SMAD1: variants seen among roughly 807,000 people sequenced by gnomAD.
SMAD1 encodes the protein MAD, mothers against decapentaplegic homolog 1.
SMAD1 carries 6 observed loss-of-function variants against 41.6 expected under a neutral mutation model. The ratio of observed to expected loss-of-function variants is 0.14; its 90% CI spans 0.08 to 0.28. SMAD1 has a LOEUF of 0.28. Ranked by LOEUF, SMAD1 falls within the 10% of genes least tolerant of loss-of-function variation. The pLI is 1.00. For synonymous variants in SMAD1, 206 were observed against 203.2 expected (o/e 1.01, Z -0.12); for missense variants, 379 against 582.6 (o/e 0.65, Z 3.60).
chr4:145,554,183 CTT>C (rs1560767651), intron 6 of SMAD1, 143 bp downstream of exon 6: 1 of 770,248 alleles, frequency 1.3e-6, no homozygotes, highest in Non-Finnish European at 2.0e-6. Context: ...CATTTTTAAA[CTT>C]TAACAAAAAT....
intron 2 of SMAD1, among the ~76,000 whole-genome samples, chr4:145,528,984 A>G (rs775263940): frequency 1.2e-4 from 18 of 152,360 alleles, no homozygotes; most frequent in Non-Finnish European, 2.4e-4. Context: ...AGAGGATTCA[A>G]TGAGTTAATA....
At chr4:145,483,757 C>T (rs1189949015) in intron 1 of SMAD1, among the ~76,000 whole-genome samples, 1 of 152,102 alleles carries the variant, frequency 6.6e-6, no homozygotes, top group Non-Finnish European at 1.5e-5. Context: ...GATGCCAGAG[C>T]CTCTAGAGGA....
At chr4:145,535,035 A>G (rs1037686094) in intron 2 of SMAD1, among the ~76,000 whole-genome samples, 5 of 152,188 alleles carry the variant, frequency 3.3e-5, no homozygotes, top group African/African-American at 1.2e-4. Context: ...AATACCAAAA[A>G]TAGGCAAAAG....
chr4:145,502,280 T>C (rs755573980), intron 1 of SMAD1, among the ~76,000 whole-genome samples: 9 of 152,182 alleles, frequency 5.9e-5, no homozygotes, highest in Non-Finnish European at 7.4e-5. Flanking sequence ...CTTGAAAGGC[T>C]ACCGTGTCCT....
At chr4:145,517,217 G>A (rs544327176) in intron 2 of SMAD1, 2 of 152,318 alleles carry the variant, frequency 1.3e-5, no homozygotes, top group South Asian at 4.1e-4. Flanking sequence ...ACTCTTGCAT[G>A]CTTTGTGTGC....
At chr4:145,519,614 G>T (rs1221605971) in intron 2 of SMAD1, among the ~76,000 whole-genome samples, 1 of 147,640 alleles carries the variant, frequency 6.8e-6, no homozygotes, top group Admixed American at 6.8e-5. Flanking sequence ...TCATCATGTC[G>T]CTGCACTCCA....
chr4:145,522,829 G>A (rs1209867515), intron 2 of SMAD1, among the ~76,000 whole-genome samples: 7 of 151,724 alleles, frequency 4.6e-5, no homozygotes, highest in African/African-American at 1.7e-4. Context: ...ACAGACACCC[G>A]CCACCATGCC....
chr4:145,511,303 G>A (rs928671083), intron 1 of SMAD1, among the ~76,000 whole-genome samples: 10 of 105,056 alleles, frequency 9.5e-5, no homozygotes, highest in South Asian at 2.9e-4. Context: ...TTTTAGAGAC[G>A]CTCTCACTCT....
Position 145,546,751 on chromosome 4 carries a change from T to C in SMAD1, c.824T>C (p.Val275Ala), listed in dbSNP as rs1181856908. Reference sequence around the variant, plus strand: ...GAACCAAAACACTGGTGCTCTATTGTCTACTATGAGCTCAACAATCGTGTG... The same window carrying C: ...GAACCAAAACACTGGTGCTCTATTGCCTACTATGAGCTCAACAATCGTGTG... The part of the protein sequence containing the change: ...YEEPKHWCSI[V>A]YYELNNRVGE... The change falls in exon 5 of 7, where the codon GTC becomes GCC. Residue 275 changes from valine (V) to alanine (A), a missense_variant. Physicochemically the swap from Val to Ala is moderately conservative, Grantham distance 64. This residue lies in a region of SMAD1 where 208 missense variants were observed against 210.5 expected (regional missense o/e 0.99). Transcript: ENST00000302085. The C allele has an allele frequency of 6.2e-7, 1 of 1,614,018 alleles. No homozygotes were observed. The highest frequency in any genetic ancestry group is 8.5e-7 in the Non-Finnish European group (1 of 1,180,006).
intron 2 of SMAD1, among the ~76,000 whole-genome samples, chr4:145,517,415 T>C (rs897209543): frequency 2.6e-5 from 4 of 152,124 alleles, no homozygotes; most frequent in African/African-American, 9.7e-5. Flanking sequence ...ACTTCACACA[T>C]ATCTCCCTAC....
chr4:145,551,493 C>T (rs1220181839), intron 5 of SMAD1, among the ~76,000 whole-genome samples: 4 of 151,984 alleles, frequency 2.6e-5, no homozygotes, highest in Non-Finnish European at 5.9e-5. Context: ...AAAAATATGT[C>T]ACAAATAAAA....
intron 1 of SMAD1, among the ~76,000 whole-genome samples, chr4:145,488,449 T>G (rs997762677): frequency 6.6e-6 from 1 of 151,744 alleles, no homozygotes; most frequent in Admixed American, 6.6e-5. Flanking sequence ...ACTCCAACTA[T>G]TCATGTATTA....
At chr4:145,499,243 T>G (rs928265908) in intron 1 of SMAD1, among the ~76,000 whole-genome samples, 6 of 152,240 alleles carry the variant, frequency 3.9e-5, no homozygotes, top group African/African-American at 1.4e-4. Flanking sequence ...AGGACTGATA[T>G]GGCACCACAA....
chr4:145,522,921 C>T (rs1386116747), intron 2 of SMAD1, among the ~76,000 whole-genome samples: 1 of 152,106 alleles, frequency 6.6e-6, no homozygotes, highest in East Asian at 1.9e-4. Context: ...TTGTGATCTG[C>T]CCGCCTCAGC....
At chr4:145,519,663 A>G (rs1239986610) in intron 2 of SMAD1, among the ~76,000 whole-genome samples, 1 of 110,318 alleles carries the variant, frequency 9.1e-6, no homozygotes, top group East Asian at 2.1e-4. Flanking sequence ...AAAAAAAAAA[A>G]AAACCCACTT....
At chr4:145,543,581 C>A (rs1308749600) in intron 4 of SMAD1, among the ~76,000 whole-genome samples, 1 of 152,190 alleles carries the variant, frequency 6.6e-6, no homozygotes, top group Non-Finnish European at 1.5e-5. Context: ...TGAAAAATTT[C>A]TTTCCCCCTT....
intron 2 of SMAD1, among the ~76,000 whole-genome samples, chr4:145,537,957 T>C (rs890316379): frequency 2.0e-5 from 3 of 152,208 alleles, no homozygotes; most frequent in Non-Finnish European, 4.4e-5. Context: ...TAATGGACTC[T>C]GTGCGTGTGT....
At chr4:145,497,972 G>A (rs993193244) in intron 1 of SMAD1, 4 of 152,158 alleles carry the variant, frequency 2.6e-5, no homozygotes, top group Non-Finnish European at 5.9e-5. Flanking sequence ...GTCATTGATT[G>A]TCATATGAGA....
In SMAD1 at chr4:145,557,805, A is replaced by G; in HGVS notation, c.1269A>G (p.Glu423=). The G allele has an allele frequency of 2.5e-6, 4 of 1,597,692 alleles. No homozygotes were observed. In the South Asian group the frequency reaches 3.3e-5, roughly 13 times the overall value. The part of the protein sequence containing the change: ...RMSFVKGWGA[E]YHRQDVTSTP... ...GTTTTTCCTAGGGCTGGGGAGCAGA[A>G]TACCACCGCCAGGATGTTACTAGCA... Residue 423 remains glutamate (E), a synonymous_variant, in exon 7 of 7, where the codon GAA becomes GAG. Transcript: ENST00000302085.
Sources: gnomAD v4.1 joint callset for allele counts (sites outside exome capture counted in the v4.1 genomes callset) on GRCh38, gnomAD v4.1.1 for gene constraint, gnomAD v4.1.1 regional missense constraint, MANE v1.5 for transcripts, NCBI Gene and HGNC (gene_info 2026-07-23, HGNC 2026-07-21) for gene names.